GMCL1: variants seen among roughly 807,000 people sequenced by gnomAD.
GMCL1 encodes the protein germ cell-less 1, spermatogenesis associated, also known as germ cell-less protein-like 1.
A neutral mutation model predicts 75.5 loss-of-function variants in GMCL1; 54 were observed. That is an observed-to-expected ratio of 0.71 (90% CI 0.57 to 0.90). The LOEUF is 0.90. Among genes scored for constraint, GMCL1 ranks in the 40% least tolerant of loss-of-function variants. The pLI is 0.00. For missense variants in GMCL1, 537 were observed against 622.7 expected (o/e 0.86, Z 1.47); for synonymous variants, 210 against 209.6 (o/e 1.00, Z -0.02).
At chr2:69,869,896 T>C (rs1208465859) in intron 12 of GMCL1, 32 bp downstream of exon 12, 1 of 1,599,800 alleles carries the variant, frequency 6.3e-7, no homozygotes, top group Admixed American at 1.7e-5. Context: ...CCACTCCTCC[T>C]CACTCCAGAG....
rs190980514 is a variant in GMCL1 at position 69,863,620 on chromosome 2, A to G, written c.1143-1280A>G. ...GCTAGATGGTAAGAAAATTTGGCTCATACTATTTTCTCTGCTTTCATATGT... is the reference window on the plus strand; with the variant it reads ...GCTAGATGGTAAGAAAATTTGGCTCGTACTATTTTCTCTGCTTTCATATGT... On this transcript the variant is annotated intron_variant, in intron 10 of 13. Coordinates refer to ENST00000282570, the MANE Select transcript of GMCL1 (RefSeq NM_178439.5). 5.9e-5 allele frequency among the ~76,000 whole-genome samples: 9 copies of G among 152,356 alleles called. No individual in the cohort carries two copies. In the East Asian group the frequency reaches 1.7e-3, roughly 29 times the overall value.
Position 69,871,835 on chromosome 2 carries a change from A to T in GMCL1, c.1452+3A>T. 1 of 1,504,822 alleles carries T rather than the reference A, an allele frequency of 6.6e-7. No individual in the cohort carries two copies. The highest frequency in any genetic ancestry group is 9.1e-7 in the Non-Finnish European group (1 of 1,095,284). 93.2% of individuals were successfully genotyped at this position (1,504,822 alleles called of 1,614,324 possible). ...TACTTACACTTGAAAAGGATCAGGT[A>T]TGTTCGATTATCTTCTGGTATGTCA... On this transcript the variant is annotated splice_donor_region_variant and intron_variant, in intron 13 of 13. Transcript: ENST00000282570.
chr2:69,860,103 G>C (rs920600708), intron 9 of GMCL1, among the ~76,000 whole-genome samples: 2 of 152,092 alleles, frequency 1.3e-5, no homozygotes, highest in Non-Finnish European at 2.9e-5. Context: ...TCAGACTCAA[G>C]AGATCTTTCT....
At chr2:69,864,614 G>A (rs1358464574) in intron 10 of GMCL1, among the ~76,000 whole-genome samples, 1 of 49,570 alleles carries the variant, frequency 2.0e-5, no homozygotes, top group Non-Finnish European at 3.8e-5. Context: ...TTTTTTTTTG[G>A]CAAATAGAAT....
intron 4 of GMCL1, 79 bp from the exon 5 acceptor site, chr2:69,843,070 C>G: frequency 3.1e-6 from 1 of 318,742 alleles, no homozygotes; most frequent in Non-Finnish European, 5.6e-6. Flanking sequence ...TTTTCTTTTA[C>G]TTTTTAATAT....
rs557583709 is a variant in GMCL1 at position 69,846,116 on chromosome 2, G to T, written c.759-1427G>T. Among the ~76,000 whole-genome samples the T allele has an allele frequency of 9.2e-5, 14 of 152,048 alleles. 1 individual carries two copies. The South Asian group carries it at 1.7e-3, about 18-fold the overall frequency. ...GTTAGACCACCTCCTAGATTATGGG[G>T]TTTTTTTCCTTTCTTTTGCCTTTAC... On this transcript the variant is annotated intron_variant, in intron 6 of 13. Coordinates refer to ENST00000282570, the MANE Select transcript of GMCL1 (RefSeq NM_178439.5).
intron 1 of GMCL1, among the ~76,000 whole-genome samples, chr2:69,836,575 G>C (rs1204217926): frequency 6.6e-6 from 1 of 152,134 alleles, no homozygotes; most frequent in Non-Finnish European, 1.5e-5. Flanking sequence ...TAAGTACACA[G>C]GTGTTAAATT....
chr2:69,838,549 G>A (rs571120452), intron 2 of GMCL1, among the ~76,000 whole-genome samples: 19 of 152,074 alleles, frequency 1.2e-4, no homozygotes, highest in African/African-American at 4.6e-4. Flanking sequence ...AGACAGCATA[G>A]TATAAAATTT....
At position 69,881,164 on chromosome 2, in the gene GMCL1, T is replaced by G. The variant is rs1477636722; in HGVS notation, c.*2160T>G. On this transcript the variant is annotated 3_prime_UTR_variant, in exon 14 of 14. Transcript: ENST00000282570. ...ATCCATTGGTTCTGTCCTGGCCAAG[T>G]TGCTTATGTCATCCATAGACAGGAT... 2.6e-5 allele frequency: 4 copies of G among 152,230 alleles called. No homozygotes were observed. The highest frequency in any genetic ancestry group is 5.9e-5 in the Non-Finnish European group (4 of 68,030). 9.4% of individuals were successfully genotyped at this position (152,230 alleles called of 1,614,324 possible). A position where few individuals can be genotyped will look rare whatever the true frequency, so the allele number is the denominator to read the frequency against.
intron 13 of GMCL1, among the ~76,000 whole-genome samples, chr2:69,876,810 A>C (rs1676138804): frequency 6.6e-6 from 1 of 152,154 alleles, no homozygotes; most frequent in African/African-American, 2.4e-5. Flanking sequence ...GCAACTTAGC[A>C]AAACCCTATC....
Position 69,856,460 on chromosome 2 carries a change from C to T in GMCL1, c.1072+1500C>T, listed in dbSNP as rs544530271. On this transcript the variant is annotated intron_variant, in intron 9 of 13. Coordinates refer to ENST00000282570, the MANE Select transcript of GMCL1 (RefSeq NM_178439.5). ...AACTGTGTCAAGCACAGTTCAACTC[C>T]ATTATTTCATGGAATTAGGTTTATC... Among the ~76,000 whole-genome samples the T allele has an allele frequency of 5.8e-4, 88 of 152,102 alleles. 1 individual carries two copies. The Middle Eastern group carries it at 0.01, about 18-fold the overall frequency.
intron 9 of GMCL1, 116 bp from the exon 10 acceptor site, chr2:69,861,162 A>G (rs1675631654): frequency 9.3e-6 from 7 of 754,908 alleles, no homozygotes; most frequent in Non-Finnish European, 1.5e-5. Flanking sequence ...TAATTTTTAA[A>G]TTGCTATTTT....
chr2:69,838,881 C>G (rs1674899494), intron 2 of GMCL1, among the ~76,000 whole-genome samples: 1 of 152,154 alleles, frequency 6.6e-6, no homozygotes, highest in Admixed American at 6.5e-5. Flanking sequence ...TTCACAGTGC[C>G]TTCTACATAC....
rs1239693603 is a variant in GMCL1, at chr2:69,837,665, T to G, written c.379T>G (p.Cys127Gly). 1 of 1,594,856 alleles carries G rather than the reference T, an allele frequency of 6.3e-7. No homozygotes were observed. Among genetic ancestry groups the G allele is most frequent in the Non-Finnish European group, 8.5e-7 (1 of 1,175,076 alleles). Residue 127 changes from cysteine to glycine, a missense_variant, in exon 2 of 14, where the codon TGT becomes GGT. Coordinates refer to ENST00000282570, the MANE Select transcript of GMCL1 (RefSeq NM_178439.5). The part of the protein sequence containing the change: ...EEWSLHKIYL[C>G]QSGYFSSMFS... ...ATGGAGCTTACACAAAATATATTTA[T>G]GTCAAGTAAGTATTTTTTCTATTTG...
intron 5 of GMCL1, 89 bp downstream of exon 5, chr2:69,843,350 G>T: frequency 1.6e-6 from 1 of 644,446 alleles, no homozygotes. Flanking sequence ...CTATAAGAAA[G>T]AAAGAATTAA....
chr2:69,832,059 A>G (rs1166126975), intron 1 of GMCL1, among the ~76,000 whole-genome samples: 1 of 152,168 alleles, frequency 6.6e-6, no homozygotes, highest in Non-Finnish European at 1.5e-5. Context: ...TGTCTCTACT[A>G]AAAATATAAA....
intron 7 of GMCL1, among the ~76,000 whole-genome samples, chr2:69,848,975 T>G (rs1019316100): frequency 1.3e-5 from 2 of 152,176 alleles, no homozygotes; most frequent in Non-Finnish European, 2.9e-5. Context: ...TTTCTTGCTT[T>G]TATAATCTCA....
intron 4 of GMCL1, 60 bp downstream of exon 4, chr2:69,841,099 T>A: frequency 8.4e-7 from 1 of 1,195,382 alleles, no homozygotes; most frequent in Non-Finnish European, 1.2e-6. Context: ...TCAAAGTGTG[T>A]ACTCCAAAAA....
chr2:69,862,044 G>C (rs1187787196), intron 10 of GMCL1, among the ~76,000 whole-genome samples: 1 of 151,964 alleles, frequency 6.6e-6, no homozygotes, highest in Non-Finnish European at 1.5e-5. Context: ...AACACCATCT[G>C]GTTACAGATA....
Sources: gnomAD v4.1 joint callset for allele counts (sites outside exome capture counted in the v4.1 genomes callset) on GRCh38, gnomAD v4.1.1 for gene constraint, MANE v1.5 for transcripts, NCBI Gene and HGNC (gene_info 2026-07-23, HGNC 2026-07-21) for gene names.